The following IRF8 variants were observed in gnomAD, a reference collection of about 807,000 sequenced individuals.
IRF8 encodes interferon consensus sequence binding protein 1.
A neutral mutation model predicts 48.7 loss-of-function variants in IRF8; 14 were observed. The ratio of observed to expected loss-of-function variants is 0.29; its 90% CI spans 0.19 to 0.45. The LOEUF (loss-of-function observed/expected upper bound fraction) is 0.45, where lower values mean the gene tolerates loss of function less well. Ranked by LOEUF, IRF8 falls within the 20% of genes least tolerant of loss-of-function variation. The pLI, the probability that IRF8 is intolerant of heterozygous loss-of-function variation, is 1.00. For synonymous variants in IRF8, 278 were observed against 227.3 expected, an observed-to-expected ratio of 1.22 and a Z score of -2.01; for missense variants, 493 against 580.7, an observed-to-expected ratio of 0.85 and a Z score of 1.55.
intron 3 of IRF8, chr16:85,909,426 C>G (rs1414810516): frequency 1.9e-6 from 1 of 518,018 alleles, no homozygotes; most frequent in East Asian, 3.5e-5. Context: ...TAGGGCCTCC[C>G]TGGACAGGAA....
rs1905578854 is a variant in IRF8, at chr16:85,921,720, T to C, written c.*438T>C. 1 of 226,986 alleles carries C rather than the reference T, an allele frequency of 4.4e-6. No homozygotes were observed. Among genetic ancestry groups the C allele is most frequent in the Admixed American group, 5.3e-5 (1 of 18,978 alleles). The allele number at this position is 226,986 out of a possible 1,614,324, so 14.1% of individuals were successfully genotyped here. ...ATCGTTTGTTAGAGTTATAGATTTA[T>C]GATTTCATAGGCTTGATTCTATGTG... On this transcript the variant is annotated 3_prime_UTR_variant, in exon 9 of 9. Transcript: ENST00000268638.
chr16:85,921,236 C>T lies in IRF8; in HGVS notation c.1235C>T (p.Ser412Leu). 1.9e-6 allele frequency: 3 copies of T among 1,614,200 alleles called. No homozygotes were observed. The highest frequency in any genetic ancestry group is 2.5e-6 in the Non-Finnish European group (3 of 1,180,060). Residue 412 changes from serine (S) to leucine (L), a missense_variant, in exon 9 of 9, where the codon TCA (serine) becomes TTA (leucine). By Grantham distance (145) the Ser-to-Leu change is moderately radical. Around this residue, in one of 3 missense-constraint regions of IRF8, gnomAD observed 408 missense variants for 449.6 expected, o/e 0.91. Transcript: ENST00000268638. The stretch of plus-strand genomic sequence containing the variant: ...CGGATGTTTCCAGATATTTGTGCCT[C>T]ACACCAGAGATCATTTTTCAGAGAA... ...VFRMFPDICA[S>L]HQRSFFRENQ...
intron 2 of IRF8, among the ~76,000 whole-genome samples, chr16:85,904,502 G>A (rs923452810): frequency 6.6e-6 from 1 of 152,206 alleles, no homozygotes; most frequent in Non-Finnish European, 1.5e-5. Flanking sequence ...TTTTGGTCCT[G>A]CACGTCTCTG....
intron 5 of IRF8, 39 bp downstream of exon 5, chr16:85,913,275 C>G (rs970494132): frequency 2.1e-6 from 3 of 1,433,148 alleles, no homozygotes; most frequent in East Asian, 2.3e-5. Context: ...CAGGCATGGC[C>G]TGAAGGGTTT....
At chr16:85,904,155 C>T (rs533579384) in intron 2 of IRF8, among the ~76,000 whole-genome samples, 73 of 152,318 alleles carry the variant, frequency 4.8e-4, no homozygotes, top group Non-Finnish European at 7.8e-4. Context: ...AGCTAGACTT[C>T]CACGTTTGCC....
intron 6 of IRF8, among the ~76,000 whole-genome samples, chr16:85,914,723 T>A (rs11649271): frequency 6.9e-6 from 1 of 145,258 alleles, no homozygotes; most frequent in Non-Finnish European, 1.5e-5. Context: ...AGTCTAGGCC[T>A]GGTTCTGAGG....
intron 6 of IRF8, among the ~76,000 whole-genome samples, chr16:85,915,886 C>T (rs888259033): frequency 7.2e-5 from 11 of 152,168 alleles, no homozygotes; most frequent in Non-Finnish European, 1.2e-4. Context: ...ACAGAACATC[C>T]TTCTAGAAGC....
chr16:85,910,027 G>C (rs1197910466), intron 3 of IRF8: 3 of 152,188 alleles, frequency 2.0e-5, no homozygotes, highest in Non-Finnish European at 4.4e-5. Flanking sequence ...AAACTTCTTG[G>C]GGCTGTGCAG....
rs1555610239 is a variant in IRF8, at chr16:85,902,776, G to GGGCTGCTGGT, written c.-1-232_-1-223dup. The GGGCTGCTGGT allele has an allele frequency of 1.7e-5, 6 of 354,178 alleles. No homozygotes were observed. The highest frequency in any genetic ancestry group is 2.3e-5 in the Non-Finnish European group (5 of 218,762). The allele number at this position is 354,178 out of a possible 1,614,324, so 21.9% of individuals were successfully genotyped here. A position where few individuals can be genotyped will look rare whatever the true frequency, so the allele number is the denominator to read the frequency against. On this transcript the variant is annotated intron_variant, in intron 1 of 8. Transcript: ENST00000268638. ...CAGCACAGTGGGAGGGGCCTGCAGG[G>GGGCTGCTGGT]GGCTGCTGGTGGCTGCAGGTTTCCC... is the stretch of plus-strand genomic sequence containing the variant.
intron 7 of IRF8, among the ~76,000 whole-genome samples, 163 bp from the exon 8 acceptor site, chr16:85,919,946 C>T (rs1295866644): frequency 6.6e-6 from 1 of 152,240 alleles, no homozygotes; most frequent in Non-Finnish European, 1.5e-5. Context: ...ACGAACAGCT[C>T]CTTGCTTGGA....
At chr16:85,907,440 G>T (rs1023815544) in intron 2 of IRF8, among the ~76,000 whole-genome samples, 1 of 152,222 alleles carries the variant, frequency 6.6e-6, no homozygotes, top group African/African-American at 2.4e-5. Flanking sequence ...AGCACTTTGG[G>T]AGGCCGAGGC....
In IRF8 at chr16:85,920,613, A is replaced by G. The variant is rs114201381; in HGVS notation, c.1104+389A>G. Among the ~76,000 whole-genome samples the G allele has an allele frequency of 4.9e-3, 743 of 152,286 alleles. 2 individuals are homozygous for G. Among genetic ancestry groups the G allele is most frequent in the African/African-American group, 0.015 (607 of 41,552 alleles). On this transcript the variant is annotated intron_variant, in intron 8 of 8. Coordinates refer to ENST00000268638, the MANE Select transcript of IRF8 (RefSeq NM_002163.4). ...AGGATCAAGTTTTGGGCTGGAGAAG[A>G]GGACACAAGGACAAGTTTCCACCTG...
chr16:85,899,844 A>G (rs2152097497), intron 1 of IRF8, among the ~76,000 whole-genome samples: 1 of 152,338 alleles, frequency 6.6e-6, no homozygotes, highest in Non-Finnish European at 1.5e-5. Flanking sequence ...TGTTTGTAAA[A>G]TGAGTCCCAA....
chr16:85,910,714 C>G (rs544978570), intron 3 of IRF8, among the ~76,000 whole-genome samples: 2 of 152,214 alleles, frequency 1.3e-5, no homozygotes, highest in South Asian at 2.1e-4. Flanking sequence ...GGGGCCCACT[C>G]GCCTCTAACC....
At chr16:85,916,318 GTGGGCTGCAGGGTC>G (rs1439979079) in intron 6 of IRF8, among the ~76,000 whole-genome samples, 2 of 152,252 alleles carry the variant, frequency 1.3e-5, no homozygotes, top group Non-Finnish European at 2.9e-5. Flanking sequence ...CGTCAGGCAG[GTGGGCTGCAGGGTC>G]TGTGCTGCGG....
chr16:85,900,165 G>A (rs1168144609), intron 1 of IRF8, among the ~76,000 whole-genome samples: 7 of 152,184 alleles, frequency 4.6e-5, no homozygotes, highest in African/African-American at 1.7e-4. Flanking sequence ...GGGTATGCTA[G>A]GCCAGAGCGA....
At chr16:85,909,520 C>A in intron 3 of IRF8, 1 of 342,158 alleles carries the variant, frequency 2.9e-6, no homozygotes. Context: ...ATATGGTGAC[C>A]ACAGAAGGCC....
chr16:85,907,655 T>A (rs1905042626), intron 2 of IRF8, among the ~76,000 whole-genome samples: 1 of 152,046 alleles, frequency 6.6e-6, no homozygotes, highest in African/African-American at 2.4e-5. Context: ...TCCAGACTGG[T>A]GACAGAGTGA....
At chr16:85,909,728 G>C (rs183605179) in intron 3 of IRF8, 1 of 162,894 alleles carries the variant, frequency 6.1e-6, no homozygotes, top group Admixed American at 5.8e-5. Flanking sequence ...GATTAAAGCA[G>C]GACAGCAAAA....
Sources: gnomAD v4.1 joint callset for allele counts (sites outside exome capture counted in the v4.1 genomes callset) on GRCh38, gnomAD v4.1.1 for gene constraint, gnomAD v4.1.1 regional missense constraint, MANE v1.5 for transcripts, NCBI Gene and HGNC (gene_info 2026-07-23, HGNC 2026-07-21) for gene names.